PHF14: variants seen among roughly 807,000 people sequenced by gnomAD.
PHF14 encodes the protein PHD finger protein 14.
PHF14 carries 55 observed loss-of-function variants against 117.9 expected under a neutral mutation model. The ratio of observed to expected loss-of-function variants is 0.47; its 90% confidence interval spans 0.38 to 0.58. PHF14 has a LOEUF of 0.58. PHF14 is among the 20% of genes least tolerant of loss of function. The probability of loss-of-function intolerance (pLI) is 0.00; values close to 1 mark genes in which losing one functional copy is unlikely to be tolerated. For missense variants in PHF14, 978 were observed against 1,122.2 expected (o/e 0.87, Z 1.84); for synonymous variants, 409 against 368.6 (o/e 1.11, Z -1.26).
intron 17 of PHF14, among the ~76,000 whole-genome samples, chr7:11,126,775 GAAAA>G (rs748777005): frequency 6.0e-5 from 6 of 100,166 alleles, no homozygotes; most frequent in African/African-American, 2.2e-4. Context: ...GCAATAGGAT[GAAAA>G]AAAAAAAAAA....
chr7:11,167,565 A>G (rs1413720462), intron 17 of PHF14, among the ~76,000 whole-genome samples: 1 of 152,214 alleles, frequency 6.6e-6, no homozygotes, highest in Non-Finnish European at 1.5e-5. Flanking sequence ...TGTATAAGAT[A>G]CAGAAGATAA....
rs1242652700 is a variant in PHF14 at position 11,130,515 on chromosome 7, C to T, written c.2772+19048C>T. On this transcript the variant is annotated intron_variant, in intron 17 of 17. Coordinates refer to ENST00000634607, the MANE Select transcript of PHF14 (RefSeq NM_001007157.2). This position sits in a 1 kb window ranked among gnomAD's most constrained non-coding sequence, Gnocchi z 4.2. Reference sequence around the variant, plus strand: ...GGTAGTATTTTTGATTTTTTTGTTTCTTTTTGAGCAGTTTTAGGTTTATAG... The same window carrying T: ...GGTAGTATTTTTGATTTTTTTGTTTTTTTTTGAGCAGTTTTAGGTTTATAG... Among the ~76,000 whole-genome samples the T allele has an allele frequency of 6.6e-6, 1 of 151,218 alleles. No homozygotes were observed. Among genetic ancestry groups the T allele is most frequent in the African/African-American group, 2.4e-5 (1 of 41,208 alleles).
At chr7:10,994,382 T>C (rs1164056286) in intron 4 of PHF14, among the ~76,000 whole-genome samples, 1 of 152,078 alleles carries the variant, frequency 6.6e-6, no homozygotes, top group Admixed American at 6.5e-5. Context: ...GAGGTTGCAG[T>C]GAGCTGAGGT....
chr7:11,031,144 T>C (rs1784108084), intron 7 of PHF14, among the ~76,000 whole-genome samples: 2 of 152,172 alleles, frequency 1.3e-5, no homozygotes, highest in South Asian at 4.1e-4. Context: ...CAAAAGACTA[T>C]ATCAAGTTGG....
At chr7:10,999,112 C>G (rs1782766978) in intron 4 of PHF14, among the ~76,000 whole-genome samples, 2 of 152,136 alleles carry the variant, frequency 1.3e-5, no homozygotes, top group Non-Finnish European at 1.5e-5. Context: ...TGGGCTCAAA[C>G]AATCTTCTTG....
intron 17 of PHF14, among the ~76,000 whole-genome samples, chr7:11,168,945 C>CA (rs1280984612): frequency 6.6e-6 from 1 of 152,036 alleles, no homozygotes; most frequent in Admixed American, 6.6e-5. Context: ...CCGACATGCA[C>CA]ATGCTTCCTA....
chr7:11,169,231 T>G (rs539905030), intron 17 of PHF14, among the ~76,000 whole-genome samples, 185 bp from the exon 18 acceptor site: 2 of 152,308 alleles, frequency 1.3e-5, no homozygotes, highest in South Asian at 4.1e-4. Context: ...CAGAAAATTT[T>G]AATGTGTTCT....
chr7:11,017,776 A>G (rs1489668397), intron 5 of PHF14, among the ~76,000 whole-genome samples: 2 of 151,894 alleles, frequency 1.3e-5, no homozygotes, highest in Admixed American at 6.6e-5. Context: ...ACCTGATATG[A>G]TATCTTTCGT....
intron 3 of PHF14, among the ~76,000 whole-genome samples, chr7:10,990,097 C>G (rs1413329873): frequency 6.6e-6 from 1 of 152,156 alleles, no homozygotes; most frequent in African/African-American, 2.4e-5. Context: ...TATACCTACG[C>G]AGGCTCTCAT....
intron 16 of PHF14, chr7:11,103,931 A>ATT: frequency 1.0e-6 from 1 of 982,750 alleles, no homozygotes; most frequent in South Asian, 4.7e-5. Flanking sequence ...GTTTAAAAGA[A>ATT]TAAGATAGGA....
intron 17 of PHF14, among the ~76,000 whole-genome samples, chr7:11,146,277 G>T (rs1788547066): frequency 6.6e-6 from 1 of 152,168 alleles, no homozygotes; most frequent in African/African-American, 2.4e-5. Flanking sequence ...AGGAATATCA[G>T]ATGGGAAATA....
intron 14 of PHF14, among the ~76,000 whole-genome samples, chr7:11,057,360 T>A (rs751106493): frequency 2.6e-5 from 4 of 152,132 alleles, no homozygotes; most frequent in Admixed American, 6.6e-5. Flanking sequence ...ATGAATAAAC[T>A]ATTTATTTAC....
chr7:10,992,428 C>T lies in PHF14; in HGVS notation c.1045+1581C>T, dbSNP rs571370974. Among the ~76,000 whole-genome samples the T allele has an allele frequency of 5.9e-4, 89 of 150,592 alleles. 2 individuals are homozygous for T. Among genetic ancestry groups the T allele is most frequent in the Admixed American group, 3.1e-3 (47 of 15,112 alleles). On this transcript the variant is annotated intron_variant, in intron 4 of 17. Transcript: ENST00000634607. Reference sequence around the variant, plus strand: ...CTGTAATCCCAGCACTTTGGGAGGCCGAGGCGGGCGGATCACCTGAGGTCA... The same window carrying T: ...CTGTAATCCCAGCACTTTGGGAGGCTGAGGCGGGCGGATCACCTGAGGTCA...
chr7:11,062,689 A>G, intron 16 of PHF14: 9 of 984,736 alleles, frequency 9.1e-6, no homozygotes, highest in Non-Finnish European at 1.1e-5. Flanking sequence ...CTAATCAGAA[A>G]TCTTAGCTGA....
intron 16 of PHF14, chr7:11,107,202 C>T (rs1318611803): frequency 1.0e-6 from 1 of 984,182 alleles, no homozygotes; most frequent in African/African-American, 1.7e-5. Context: ...TACTTGTTTG[C>T]ATATTCTCAA....
chr7:11,166,467 C>T (rs1789204563), intron 17 of PHF14, among the ~76,000 whole-genome samples: 1 of 152,006 alleles, frequency 6.6e-6, no homozygotes. Context: ...ATTTTATTTG[C>T]TGTCTGAGTT....
chr7:11,014,051 A>G (rs2128316290), intron 5 of PHF14, 145 bp downstream of exon 5: 3 of 532,092 alleles, frequency 5.6e-6, no homozygotes, highest in South Asian at 7.7e-5. Context: ...CCAGTGGGAT[A>G]CAGATGGAGA....
chr7:11,052,864 A>C (rs1179349341), intron 14 of PHF14, among the ~76,000 whole-genome samples: 1 of 152,016 alleles, frequency 6.6e-6, no homozygotes, highest in Admixed American at 6.6e-5. Context: ...TCTTCTGGGG[A>C]AATCATTTAT....
At chr7:11,136,613 A>G (rs1788227791) in intron 17 of PHF14, among the ~76,000 whole-genome samples, 1 of 152,224 alleles carries the variant, frequency 6.6e-6, no homozygotes, top group Non-Finnish European at 1.5e-5. Flanking sequence ...CTAACATCCT[A>G]GAAAGTATCA....
Sources: allele counts gnomAD v4.1 joint callset (sites outside exome capture counted in the v4.1 genomes callset), GRCh38; gene constraint gnomAD v4.1.1; non-coding constraint Gnocchi (gnomAD v3.1); transcripts MANE v1.5; gene names NCBI Gene and HGNC (gene_info 2026-07-23, HGNC 2026-07-21).